The following ODAPH variants were observed in gnomAD, a reference collection of about 807,000 sequenced individuals.
ODAPH encodes the protein amelogenesis imperfecta type IIA4.
In ODAPH, 2 loss-of-function variants were observed where a neutral mutation model predicts 2.8. The observed-to-expected ratio is 0.72, with a 90% CI of 0.30 to 2.28. The LOEUF (loss-of-function observed/expected upper bound fraction) is 2.28. Among genes scored for constraint, ODAPH ranks in the 30% most tolerant of loss-of-function variants. The probability of loss-of-function intolerance (pLI) is 0.13; values close to 1 mark genes in which losing one functional copy is unlikely to be tolerated. For synonymous variants in ODAPH, 75 were observed against 60.3 expected, an observed-to-expected ratio of 1.24 and a Z score of -1.13; for missense variants, 159 against 163.3, an observed-to-expected ratio of 0.97 and a Z score of 0.14.
chr4:75,564,227 G>A lies in ODAPH; in HGVS notation c.181G>A (p.Ala61Thr), dbSNP rs1369587370. 1.2e-6 allele frequency: 2 copies of A among 1,614,150 alleles called. No individual in the cohort carries two copies. The highest frequency in any genetic ancestry group is 1.7e-6 in the Non-Finnish European group (2 of 1,180,030). The change falls in exon 2 of 2, where the codon GCC (alanine) becomes ACC (threonine). Residue 61 changes from alanine to threonine, a missense_variant. Ala to Thr is a moderately conservative substitution (Grantham distance 58, BLOSUM62 0). Coordinates refer to ENST00000311623, the MANE Select transcript of ODAPH (RefSeq NM_178497.5). ...PPAPRSPVTR[A>T]QPITKTPRCP... ...TGCCCCGAGGAGTCCGGTCACAAGG[G>A]CCCAGCCCATCACAAAGACACCCAG...
At chr4:75,559,325 C>T (rs140149668) in intron 1 of ODAPH, among the ~76,000 whole-genome samples, 3 of 152,298 alleles carry the variant, frequency 2.0e-5, no homozygotes, top group East Asian at 1.9e-4. Flanking sequence ...GATTAATAAC[C>T]GTAGCTAACA....
chr4:75,560,863 G>A lies in ODAPH; in HGVS notation c.68-3251G>A, dbSNP rs141607087. On this transcript the variant is annotated intron_variant, in intron 1 of 1. Transcript: ENST00000311623. Reference sequence around the variant, plus strand: ...CAGCTGGAGCACAGTTAACCTAGTGGCAGAGCTCAAGGCCTCGTTAAGCCT... The same window carrying A: ...CAGCTGGAGCACAGTTAACCTAGTGACAGAGCTCAAGGCCTCGTTAAGCCT... Among the ~76,000 whole-genome samples, 524 of 152,290 alleles carry A rather than the reference G, an allele frequency of 3.4e-3. 2 individuals are homozygous for A. Among genetic ancestry groups the A allele is most frequent in the Admixed American group, 7.2e-3 (110 of 15,294 alleles).
intron 1 of ODAPH, chr4:75,563,323 GCCAAAAT>G (rs78328980): frequency 0.25 from 38,470 of 153,346 alleles, 5,000 homozygotes; most frequent in African/African-American, 0.3. Context: ...ACAGCGCCCG[GCCAAAAT>G]CCGCACATCT....
chr4:75,563,184 C>A (rs1727660017), intron 1 of ODAPH: 1 of 151,916 alleles, frequency 6.6e-6, no homozygotes, highest in African/African-American at 2.4e-5. Context: ...TGCCACCACA[C>A]CTGGCTAATT....
chr4:75,559,307 A>G (rs1727470267), intron 1 of ODAPH, among the ~76,000 whole-genome samples: 1 of 152,254 alleles, frequency 6.6e-6, no homozygotes, highest in Admixed American at 6.5e-5. Context: ...TGTTTCCATA[A>G]CATTCAAGAT....
In ODAPH at chr4:75,556,145, A is replaced by C. The variant is rs1172661339; in HGVS notation, c.63A>C (p.Ala21=). The part of the protein sequence containing the change: ...LLVCWLVVTV[A]EGQEEVFTPP... ...TATGCTGGTTGGTGGTAACTGTGGC[A>C]GAAGGTAAGGGTTTTGCTTTTATTC... The change falls in exon 1 of 2, where the codon GCA becomes GCC. Residue 21 remains alanine (A), a synonymous_variant. Coordinates refer to ENST00000311623, the MANE Select transcript of ODAPH (RefSeq NM_178497.5). 1 of 1,613,660 alleles carries C rather than the reference A, an allele frequency of 6.2e-7. No individual in the cohort carries two copies. The highest frequency in any genetic ancestry group is 8.5e-7 in the Non-Finnish European group (1 of 1,179,628).
rs775135597 is a variant in ODAPH at position 75,564,326 on chromosome 4, A to G, written c.280A>G (p.Arg94Gly). The G allele has an allele frequency of 6.5e-5, 105 of 1,614,058 alleles. No individual in the cohort carries two copies. Among genetic ancestry groups the G allele is most frequent in the South Asian group, 1.9e-4 (17 of 91,088 alleles). Residue 94 changes from arginine to glycine, a missense_variant, in exon 2 of 2, where the codon AGG becomes GGG. Transcript: ENST00000311623. ...TCCAAACAGACCTTTCGTCCCTTCA[A>G]GGTGTAACCACCGTTTTCCATTCCA... ...RFPNRPFVPS[R>G]CNHRFPFQPF... is the part of the protein sequence containing the mutation.
rs115202810 is a variant in ODAPH, at chr4:75,564,374, T to C, written c.328T>C (p.Tyr110His). 9.8e-4 allele frequency: 1,583 copies of C among 1,614,170 alleles called. 11 individuals are homozygous for C. In the African/African-American group the frequency reaches 0.019, roughly 20 times the overall value. The change falls in exon 2 of 2, where the codon TAC becomes CAC. Residue 110 changes from tyrosine (Y) to histidine (H), a missense_variant. Tyr to His is a moderately conservative substitution (Grantham distance 83, BLOSUM62 2). Coordinates refer to ENST00000311623, the MANE Select transcript of ODAPH (RefSeq NM_178497.5). ...CCAGCCATTTTATTGGCCACACCGT[T>C]ACCTTACTTATAGGTATTTCCCCAG... is the stretch of plus-strand genomic sequence containing the variant. Reference protein sequence around the residue: ...PFQPFYWPHRYLTYRYFPRRR... With the variant: ...PFQPFYWPHRHLTYRYFPRRR...
intron 1 of ODAPH, chr4:75,556,613 T>C: frequency 1.3e-6 from 2 of 1,511,396 alleles, no homozygotes; most frequent in Non-Finnish European, 1.8e-6. Context: ...TTCATTGCTT[T>C]AATTAATCAC....
chr4:75,561,139 G>A (rs1219458790), intron 1 of ODAPH, among the ~76,000 whole-genome samples: 1 of 150,436 alleles, frequency 6.6e-6, no homozygotes, highest in South Asian at 2.1e-4. Context: ...CAGGAGAATG[G>A]CGTGAACCCG....
At chr4:75,562,956 T>G (rs1216423530) in intron 1 of ODAPH, among the ~76,000 whole-genome samples, 2 of 151,382 alleles carry the variant, frequency 1.3e-5, no homozygotes, top group Admixed American at 1.3e-4. Flanking sequence ...TTTTTTCAGC[T>G]GAATTTTCTT....
downstream of ODAPH, chr4:75,564,995 A>T (rs560661818): frequency 5.7e-5 from 9 of 157,630 alleles, no homozygotes; most frequent in South Asian, 5.4e-4. Flanking sequence ...AAATAATAAT[A>T]ATTATTATTA....
rs1302175777 is a variant in ODAPH, at chr4:75,564,467, AG to A, written c.*29del. On this transcript the variant is annotated 3_prime_UTR_variant, in exon 2 of 2. Coordinates refer to ENST00000311623, the MANE Select transcript of ODAPH (RefSeq NM_178497.5). ...GGGAAGAGAAACCCAAACATACTGA[AG>A]CAAAAAAAAGCCTATCCTTCAGAAA... 1.9e-6 allele frequency: 3 copies of A among 1,613,822 alleles called. No individual in the cohort carries two copies. Among genetic ancestry groups the A allele is most frequent in the African/African-American group, 1.3e-5 (1 of 74,916 alleles).
chr4:75,564,125 G>C lies in ODAPH; in HGVS notation c.79G>C (p.Val27Leu). 1 of 1,614,160 alleles carries C rather than the reference G, an allele frequency of 6.2e-7. No homozygotes were observed. ...VVTVAEGQEE[V>L]FTPPGDSQNN... ...TTTCCTCTCCACAGGACAAGAAGAGGTATTTACGCCTCCTGGAGATTCACA... is the reference window on the plus strand; with the variant it reads ...TTTCCTCTCCACAGGACAAGAAGAGCTATTTACGCCTCCTGGAGATTCACA... The change falls in exon 2 of 2, where the codon GTA (valine) becomes CTA (leucine). Residue 27 changes from valine (V) to leucine (L), a missense_variant. Coordinates refer to ENST00000311623, the MANE Select transcript of ODAPH (RefSeq NM_178497.5).
chr4:75,562,746 C>T (rs1727632142), intron 1 of ODAPH, among the ~76,000 whole-genome samples: 1 of 152,038 alleles, frequency 6.6e-6, no homozygotes. Flanking sequence ...GATTCAATGA[C>T]ACAGCCAAGG....
chr4:75,557,931 A>G (rs559134637), intron 1 of ODAPH, among the ~76,000 whole-genome samples: 12 of 152,344 alleles, frequency 7.9e-5, no homozygotes, highest in African/African-American at 2.6e-4. Flanking sequence ...AAATGCCACT[A>G]TGATTTTGCC....
At chr4:75,557,048 G>C (rs1289185356) in intron 1 of ODAPH, among the ~76,000 whole-genome samples, 1 of 152,014 alleles carries the variant, frequency 6.6e-6, no homozygotes, top group Non-Finnish European at 1.5e-5. Context: ...GACAGGAGGA[G>C]GGGAGAGACA....
rs1184465723 is a variant in ODAPH, at chr4:75,564,750, C to T, written c.*311C>T. 1 of 541,208 alleles carries T rather than the reference C, an allele frequency of 1.8e-6. No individual in the cohort carries two copies. The highest frequency in any genetic ancestry group is 3.3e-6 in the Non-Finnish European group (1 of 306,782). 33.5% of individuals were successfully genotyped at this position (541,208 alleles called of 1,614,324 possible). A position where few individuals can be genotyped will look rare whatever the true frequency, so the allele number is the denominator to read the frequency against. ...AGTAATTCCTATCCATACTAAGATG[C>T]TGAGAGAATCCATCTCCTCCTCTAA... On this transcript the variant is annotated 3_prime_UTR_variant, in exon 2 of 2. Coordinates refer to ENST00000311623, the MANE Select transcript of ODAPH (RefSeq NM_178497.5).
At chr4:75,562,731 A>T (rs1284556424) in intron 1 of ODAPH, among the ~76,000 whole-genome samples, 1 of 152,102 alleles carries the variant, frequency 6.6e-6, no homozygotes, top group Non-Finnish European at 1.5e-5. Flanking sequence ...TTTTGTAGCC[A>T]ATTTGATTCA....
Sources: allele counts gnomAD v4.1 joint callset (sites outside exome capture counted in the v4.1 genomes callset), GRCh38; gene constraint gnomAD v4.1.1; transcripts MANE v1.5; gene names NCBI Gene and HGNC (gene_info 2026-07-23, HGNC 2026-07-21).